TSPAN5: variants seen among roughly 807,000 people sequenced by gnomAD.
TSPAN5 encodes the protein tetraspanin 5.
TSPAN5 carries 10 observed loss-of-function variants against 37.1 expected under a neutral mutation model. The ratio of observed to expected loss-of-function variants is 0.27; its 90% CI spans 0.17 to 0.46. The LOEUF is 0.46. Ranked by LOEUF, TSPAN5 falls within the 20% of genes least tolerant of loss-of-function variation. TSPAN5 has a pLI of 1.00. For synonymous variants in TSPAN5, 110 were observed against 118.9 expected (o/e 0.93, Z 0.48); for missense variants, 195 against 326.6 (o/e 0.60, Z 3.11).
At chr4:98,579,601 T>C (rs1200138593) in intron 1 of TSPAN5, among the ~76,000 whole-genome samples, 2 of 152,224 alleles carry the variant, frequency 1.3e-5, no homozygotes, top group African/African-American at 2.4e-5. Flanking sequence ...CCCACTAAAA[T>C]TGTAAGATAA....
In TSPAN5 at chr4:98,553,220, G is replaced by A. The variant is rs114216729; in HGVS notation, c.82-45492C>T. Among the ~76,000 whole-genome samples the A allele has an allele frequency of 6.6e-3, 1,005 of 152,206 alleles. 18 individuals carry two copies. The highest frequency in any genetic ancestry group is 0.023 in the African/African-American group (944 of 41,514). On this transcript the variant is annotated intron_variant, in intron 1 of 7. Coordinates refer to ENST00000305798, the MANE Select transcript of TSPAN5 (RefSeq NM_005723.4). ...TAATTTGCTGTCTAAAAGTGTTGGA[G>A]TAAATTAAGCAAAAGTTGAAACAAG...
chr4:98,560,435 C>T (rs1285682433), intron 1 of TSPAN5, among the ~76,000 whole-genome samples: 2 of 152,112 alleles, frequency 1.3e-5, no homozygotes, highest in African/African-American at 4.8e-5. Context: ...TATTTAATTG[C>T]TTCTAAATGC....
Position 98,507,706 on chromosome 4 carries a change from C to G in TSPAN5, c.104G>C (p.Gly35Ala), listed in dbSNP as rs1214380111. Residue 35 changes from glycine (G) to alanine (A), a missense_variant, in exon 2 of 8, where the codon GGA (glycine) becomes GCA (alanine). Gly to Ala is a moderately conservative substitution (Grantham distance 60). Coordinates refer to ENST00000305798, the MANE Select transcript of TSPAN5 (RefSeq NM_005723.4). ...IFWFLGITFL[G>A]IGLWAWNEKG... ...TTCATTCCATGCCCACAGTCCAATT[C>G]CAAGAAATGTTATTCCCAAAAACTG... The G allele has an allele frequency of 6.2e-7, 1 of 1,611,178 alleles. No homozygotes were observed. The highest frequency in any genetic ancestry group is 8.5e-7 in the Non-Finnish European group (1 of 1,179,020).
intron 1 of TSPAN5, among the ~76,000 whole-genome samples, chr4:98,533,276 G>C (rs1387277259): frequency 6.6e-6 from 1 of 152,078 alleles, no homozygotes. Flanking sequence ...ATCATCTCCT[G>C]TTTGTACCTC....
At chr4:98,594,272 T>A (rs1425565130) in intron 1 of TSPAN5, among the ~76,000 whole-genome samples, 1 of 124,594 alleles carries the variant, frequency 8.0e-6, no homozygotes, top group Non-Finnish European at 1.6e-5. Flanking sequence ...ATGCTTGTGA[T>A]TTTTGTACAT....
chr4:98,616,440 G>C (rs1436712921), intron 1 of TSPAN5, among the ~76,000 whole-genome samples: 1 of 152,052 alleles, frequency 6.6e-6, no homozygotes, highest in East Asian at 1.9e-4. Flanking sequence ...ACAGGTCAAG[G>C]GGAAGTTAAA....
intron 1 of TSPAN5, among the ~76,000 whole-genome samples, chr4:98,512,831 G>A (rs1042641430): frequency 2.0e-5 from 3 of 152,192 alleles, no homozygotes; most frequent in Non-Finnish European, 4.4e-5. Context: ...TGGGATAAAT[G>A]AAGGTAAGAA....
chr4:98,528,120 G>A (rs1754001431), intron 1 of TSPAN5, among the ~76,000 whole-genome samples: 1 of 152,128 alleles, frequency 6.6e-6, no homozygotes, highest in Non-Finnish European at 1.5e-5. Flanking sequence ...ATAGAGAAAT[G>A]TACACTAAAT....
At chr4:98,595,178 G>A (rs938048778) in intron 1 of TSPAN5, among the ~76,000 whole-genome samples, 3 of 109,774 alleles carry the variant, frequency 2.7e-5, no homozygotes, top group Non-Finnish European at 5.3e-5. Flanking sequence ...GAGAGTGTAT[G>A]TGTCAAGGAA....
intron 1 of TSPAN5, among the ~76,000 whole-genome samples, chr4:98,606,521 T>A (rs1560556418): frequency 6.6e-6 from 1 of 152,216 alleles, no homozygotes; most frequent in Non-Finnish European, 1.5e-5. Flanking sequence ...GTCTAAATAT[T>A]TGACTTCCCC....
chr4:98,566,583 C>A (rs1018185428), intron 1 of TSPAN5, among the ~76,000 whole-genome samples: 1 of 152,176 alleles, frequency 6.6e-6, no homozygotes, highest in East Asian at 1.9e-4. Flanking sequence ...AAGCAGGGGG[C>A]CAGGGCTGAG....
At chr4:98,588,350 C>T (rs1303681015) in intron 1 of TSPAN5, among the ~76,000 whole-genome samples, 1 of 151,418 alleles carries the variant, frequency 6.6e-6, no homozygotes, top group African/African-American at 2.4e-5. Context: ...CCGTATGTTT[C>T]GCTAAGTAAA....
intron 1 of TSPAN5, among the ~76,000 whole-genome samples, chr4:98,580,644 A>T (rs1755346483): frequency 6.6e-6 from 1 of 152,184 alleles, no homozygotes; most frequent in Non-Finnish European, 1.5e-5. Flanking sequence ...TTAAAAGGAA[A>T]CTAGGGAGGG....
At chr4:98,652,826 C>T (rs1280982898) in intron 1 of TSPAN5, among the ~76,000 whole-genome samples, 2 of 152,208 alleles carry the variant, frequency 1.3e-5, no homozygotes, top group African/African-American at 2.4e-5. Context: ...CAAAGTGACC[C>T]ATCTAAATGA....
At chr4:98,609,397 G>A (rs1014093526) in intron 1 of TSPAN5, among the ~76,000 whole-genome samples, 2 of 152,096 alleles carry the variant, frequency 1.3e-5, no homozygotes, top group African/African-American at 2.4e-5. Context: ...TCGGAATGCT[G>A]GAGGTAAAAC....
intron 1 of TSPAN5, among the ~76,000 whole-genome samples, chr4:98,518,292 T>C (rs1342195519): frequency 3.9e-5 from 6 of 152,162 alleles, no homozygotes; most frequent in African/African-American, 1.4e-4. Context: ...ATTATATCAT[T>C]CAACTTATTT....
At chr4:98,537,731 G>A (rs1473984306) in intron 1 of TSPAN5, among the ~76,000 whole-genome samples, 3 of 152,348 alleles carry the variant, frequency 2.0e-5, no homozygotes, top group East Asian at 1.9e-4. Context: ...GCATTAGGAG[G>A]TGGCAAGGGC....
intron 2 of TSPAN5, among the ~76,000 whole-genome samples, chr4:98,495,077 G>A (rs905481616): frequency 6.6e-6 from 1 of 152,208 alleles, no homozygotes; most frequent in African/African-American, 2.4e-5. Flanking sequence ...CATGGAACCA[G>A]GAGCAAGGAT....
intron 1 of TSPAN5, among the ~76,000 whole-genome samples, chr4:98,549,303 T>G (rs1320219522): frequency 5.2e-4 from 61 of 118,224 alleles, no homozygotes; most frequent in African/African-American, 1.5e-3. Flanking sequence ...TTTGTTTTTG[T>G]TTTTTTTTGT....
Sources: allele counts gnomAD v4.1 joint callset (sites outside exome capture counted in the v4.1 genomes callset), GRCh38; gene constraint gnomAD v4.1.1; transcripts MANE v1.5; gene names NCBI Gene and HGNC (gene_info 2026-07-23, HGNC 2026-07-21).